Variants in ZSCAN31 observed in about 807,000 individuals in gnomAD.
ZSCAN31 encodes the protein zinc finger and SCAN domain containing 31.
A neutral mutation model predicts 22.5 loss-of-function variants in ZSCAN31; 14 were observed. The observed-to-expected ratio is 0.62, with a 90% confidence interval of 0.41 to 0.97. The LOEUF is 0.97. ZSCAN31 is among the 50% of genes least tolerant of loss of function. The pLI, the probability that ZSCAN31 is intolerant of heterozygous loss-of-function variation, is 0.00. For missense variants in ZSCAN31, 424 were observed against 483.4 expected (o/e 0.88, Z 1.15); for synonymous variants, 168 against 169.8 (o/e 0.99, Z 0.08).
chr6:28,329,950 T>C (rs1436611206), intron 1 of ZSCAN31, among the ~76,000 whole-genome samples, 172 bp from the exon 2 acceptor site: 3 of 152,214 alleles, frequency 2.0e-5, no homozygotes, highest in South Asian at 4.1e-4. Flanking sequence ...AGTATGTTAA[T>C]GGCCTCAATT....
intron 2 of ZSCAN31, among the ~76,000 whole-genome samples, chr6:28,346,383 C>T (rs1764644226): frequency 8.3e-6 from 1 of 121,178 alleles, no homozygotes; most frequent in African/African-American, 3.4e-5. Flanking sequence ...GAGTCTCACT[C>T]TCTGTCTCCC....
At chr6:28,329,812 A>G in intron 1 of ZSCAN31, 34 bp from the exon 2 acceptor site, 1 of 1,222,834 alleles carries the variant, frequency 8.2e-7, no homozygotes, top group Non-Finnish European at 1.1e-6. Flanking sequence ...AATGGAAATA[A>G]ATCATAAAGT....
chr6:28,333,147 C>A lies in ZSCAN31; in HGVS notation c.-96+2935G>T, dbSNP rs902673896. ...TTGTAGGGAACCAGGCTCACTGTTT[C>A]ATTCCAGGACCTGCAGTGGACTTCC... On this transcript the variant is annotated intron_variant, in intron 1 of 3. Transcript: ENST00000344279. This position sits in a 1 kb window ranked among gnomAD's most constrained non-coding sequence, Gnocchi z 4.1. Among the ~76,000 whole-genome samples the A allele has an allele frequency of 6.6e-6, 1 of 152,150 alleles. No individual in the cohort carries two copies. Among genetic ancestry groups the A allele is most frequent in the Non-Finnish European group, 1.5e-5 (1 of 68,036 alleles).
In ZSCAN31 at chr6:28,343,042, C is replaced by T. The variant is rs560979941; in HGVS notation, c.-370-1250G>A. 7.9e-5 allele frequency among the ~76,000 whole-genome samples: 12 copies of T among 152,256 alleles called. No homozygotes were observed. The South Asian group carries it at 2.5e-3, about 32-fold the overall frequency. On this transcript the variant is annotated intron_variant, in intron 2 of 7. Transcript: ENST00000396838. ...CTAGGTACCCAGAGTGTCATTGTGG[C>T]CCCCTGTTAGGATGTGGTCATATAG... is the stretch of plus-strand genomic sequence containing the variant.
intron 1 of ZSCAN31, among the ~76,000 whole-genome samples, chr6:28,335,185 G>A (rs207466822): frequency 6.6e-6 from 1 of 152,048 alleles, no homozygotes; most frequent in Admixed American, 6.6e-5. Context: ...GCCTGCCCCC[G>A]CCCATGATTT....
Position 28,333,977 on chromosome 6 carries a change from TA to T in ZSCAN31, c.-96+2104del, listed in dbSNP as rs374141658. On this transcript the variant is annotated intron_variant, in intron 1 of 3. Coordinates refer to ENST00000344279, the MANE Select transcript of ZSCAN31 (RefSeq NM_030899.5). The surrounding 1 kb of genome is among the most constrained non-coding windows in gnomAD (Gnocchi z 4.1). ...GAGTAGAAGCAGAAGAGGCAAGAGT[TA>T]AAAAAAAGGGTAAAGTGGAGGGGGT... Among the ~76,000 whole-genome samples the T allele has an allele frequency of 2.6e-5, 4 of 151,282 alleles. No homozygotes were observed. Among genetic ancestry groups the T allele is most frequent in the Admixed American group, 1.3e-4 (2 of 15,218 alleles).
intron 1 of ZSCAN31, among the ~76,000 whole-genome samples, chr6:28,330,335 T>C (rs528357734): frequency 6.6e-6 from 1 of 152,334 alleles, no homozygotes; most frequent in East Asian, 1.9e-4. Flanking sequence ...GTGCCCCATA[T>C]ACTTATGTGC....
intron 2 of ZSCAN31, among the ~76,000 whole-genome samples, chr6:28,344,399 G>A (rs1362600481): frequency 1.3e-5 from 2 of 152,194 alleles, no homozygotes; most frequent in Non-Finnish European, 2.9e-5. Context: ...TGTGTGGTAT[G>A]TTCAGCACTG....
chr6:28,337,216 A>G (rs1042670791), upstream of ZSCAN31, among the ~76,000 whole-genome samples: 2 of 152,230 alleles, frequency 1.3e-5, no homozygotes, highest in Non-Finnish European at 2.9e-5. Context: ...TCAAATGTAC[A>G]AAAGCAGAAC....
chr6:28,327,073 A>G (rs972713642), intron 3 of ZSCAN31, among the ~76,000 whole-genome samples: 1 of 152,202 alleles, frequency 6.6e-6, no homozygotes, highest in Admixed American at 6.5e-5. Context: ...AGAGGCTCCC[A>G]GTGAGGATGT....
chr6:28,329,306 G>T lies in ZSCAN31; in HGVS notation c.378C>A (p.Asn126Lys), dbSNP rs1183456925. The T allele has an allele frequency of 2.5e-6, 4 of 1,573,240 alleles. No individual in the cohort carries two copies. In the East Asian group the frequency reaches 9.0e-5, roughly 35 times the overall value. Residue 126 changes from asparagine (N) to lysine (K), a missense_variant, in exon 2 of 4, where the codon AAC (asparagine) becomes AAA (lysine). Asn to Lys is a moderately conservative substitution (Grantham distance 94). Coordinates refer to ENST00000344279, the MANE Select transcript of ZSCAN31 (RefSeq NM_030899.5). ...AAGTCCATCTTTCTCCTCTCACCTGGTTCCCTGGCTCACTAAGCTCTTGTT... is the reference window on the plus strand; with the variant it reads ...AAGTCCATCTTTCTCCTCTCACCTGTTTCCCTGGCTCACTAAGCTCTTGTT... ...DLEQELSEPG[N>K]QAPDHEHGHS...
chr6:28,352,308 T>C (rs1022991706), intron 2 of ZSCAN31, among the ~76,000 whole-genome samples: 3 of 151,088 alleles, frequency 2.0e-5, no homozygotes, highest in African/African-American at 4.9e-5. Context: ...CAGAGAGTGA[T>C]TTAATTGATT....
At chr6:28,329,099 T>C (rs539622111) in intron 2 of ZSCAN31, among the ~76,000 whole-genome samples, 2 of 152,270 alleles carry the variant, frequency 1.3e-5, no homozygotes, top group East Asian at 1.9e-4. Context: ...CTACCAACAA[T>C]TGTACCAGTA....
At chr6:28,352,610 T>C (rs553934111) in intron 2 of ZSCAN31, among the ~76,000 whole-genome samples, 9 of 152,360 alleles carry the variant, frequency 5.9e-5, no homozygotes, top group Admixed American at 5.2e-4. Context: ...GTGATTCTAA[T>C]ATGTAACAAA....
At chr6:28,352,463 G>C (rs1388148690) in intron 2 of ZSCAN31, among the ~76,000 whole-genome samples, 2 of 152,038 alleles carry the variant, frequency 1.3e-5, no homozygotes, top group African/African-American at 4.8e-5. Context: ...ATATGGGCCA[G>C]GCTGTTCTTG....
intron 2 of ZSCAN31, among the ~76,000 whole-genome samples, chr6:28,353,682 A>T (rs997725224): frequency 2.6e-5 from 4 of 152,188 alleles, no homozygotes; most frequent in African/African-American, 7.2e-5. Flanking sequence ...CAGGATAGGG[A>T]TCAGGAGTCT....
intron 2 of ZSCAN31, among the ~76,000 whole-genome samples, chr6:28,328,269 A>T (rs1164602298): frequency 4.6e-5 from 7 of 152,296 alleles, no homozygotes. Context: ...ACCAAAATTT[A>T]TTAGGCGGGA....
At chr6:28,328,952 T>C (rs1011341899) in intron 2 of ZSCAN31, among the ~76,000 whole-genome samples, 1 of 152,150 alleles carries the variant, frequency 6.6e-6, no homozygotes, top group Admixed American at 6.5e-5. Context: ...TTTTCCTTTC[T>C]CTCTCTTTCT....
upstream of ZSCAN31, chr6:28,354,333 T>A (rs1765277336): frequency 1.8e-5 from 4 of 222,680 alleles, no homozygotes; most frequent in South Asian, 2.7e-4. Context: ...ACTCGCTGAG[T>A]CACGCTGGCC....
Sources: allele counts gnomAD v4.1 joint callset (sites outside exome capture counted in the v4.1 genomes callset), GRCh38; gene constraint gnomAD v4.1.1; non-coding constraint Gnocchi (gnomAD v3.1); transcripts MANE v1.5; gene names NCBI Gene and HGNC (gene_info 2026-07-23, HGNC 2026-07-21).